The following ABCA1 variants were observed in gnomAD, a reference collection of about 807,000 sequenced individuals.
ABCA1 encodes phospholipid-transporting ATPase ABCA1.
In ABCA1, 133 loss-of-function variants were observed where a neutral mutation model predicts 262.5. The ratio of observed to expected loss-of-function variants is 0.51; its 90% CI spans 0.44 to 0.59. The LOEUF (loss-of-function observed/expected upper bound fraction) is 0.59, where lower values mean the gene tolerates loss of function less well. Ranked by LOEUF, ABCA1 falls within the 20% of genes least tolerant of loss-of-function variation. The pLI, the probability that ABCA1 is intolerant of heterozygous loss-of-function variation, is 0.00. For missense variants in ABCA1, 2,452 were observed against 2,777.5 expected (o/e 0.88, Z 2.63); for synonymous variants, 1,022 against 1,043.5 (o/e 0.98, Z 0.40).
intron 7 of ABCA1, among the ~76,000 whole-genome samples, chr9:104,846,706 G>A (rs925019650): frequency 6.6e-6 from 1 of 152,158 alleles, no homozygotes; most frequent in Admixed American, 6.5e-5. Flanking sequence ...AACTTGTCCA[G>A]CTCATTCATC....
chr9:104,845,621 C>G (rs1265419441), intron 7 of ABCA1, 52 bp from the exon 8 acceptor site: 1 of 1,263,500 alleles, frequency 7.9e-7, no homozygotes, highest in Non-Finnish European at 1.2e-6. Context: ...AACCTGAAAT[C>G]TCTATTGGAA....
chr9:104,882,694 C>T (rs1402465557), intron 5 of ABCA1, among the ~76,000 whole-genome samples: 5 of 152,242 alleles, frequency 3.3e-5, no homozygotes, highest in Admixed American at 3.3e-4. Flanking sequence ...AATACTCTGT[C>T]TATAAATCCA....
At chr9:104,790,033 T>C (rs1180738298) in intron 44 of ABCA1, among the ~76,000 whole-genome samples, 2 of 151,328 alleles carry the variant, frequency 1.3e-5, no homozygotes, top group South Asian at 4.2e-4. Context: ...GAGGCGGAGG[T>C]TGCAGTGAGC....
chr9:104,841,047 GC>G (rs1834318132), intron 8 of ABCA1, among the ~76,000 whole-genome samples: 1 of 152,136 alleles, frequency 6.6e-6, no homozygotes, highest in Admixed American at 6.5e-5. Context: ...AAATTGAACA[GC>G]CCTCTTCCGC....
rs73663572 is a variant in ABCA1, at chr9:104,854,478, G to A, written c.720+4044C>T. On this transcript the variant is annotated intron_variant, in intron 7 of 49. Transcript: ENST00000374736. The stretch of plus-strand genomic sequence containing the variant: ...AGCAATAAAAAAAAAAAGTACAATC[G>A]GAAGCAAATCAATCTCTCGGGCCAA... Among the ~76,000 whole-genome samples, 1,291 of 152,146 alleles carry A rather than the reference G, an allele frequency of 8.5e-3. 25 individuals carry two copies. Among genetic ancestry groups the A allele is most frequent in the African/African-American group, 0.029 (1,216 of 41,494 alleles).
At chr9:104,900,069 G>A (rs562481291) in intron 2 of ABCA1, among the ~76,000 whole-genome samples, 10 of 152,286 alleles carry the variant, frequency 6.6e-5, no homozygotes, top group Admixed American at 6.5e-4. Context: ...TCTGCACAAT[G>A]GGGGTACAGG....
At chr9:104,927,879 C>G (rs1050904199) in intron 1 of ABCA1, 56 bp downstream of exon 1, 3 of 152,486 alleles carry the variant, frequency 2.0e-5, no homozygotes, top group Admixed American at 2.0e-4. Flanking sequence ...CCCGAAGCCT[C>G]CTTGGCCTCG....
chr9:104,869,369 T>C lies in ABCA1; in HGVS notation c.422-7569A>G, dbSNP rs192816918. Among the ~76,000 whole-genome samples, 232 of 152,278 alleles carry C rather than the reference T, an allele frequency of 1.5e-3. 2 individuals are homozygous for C. The highest frequency in any genetic ancestry group is 5.4e-3 in the African/African-American group (223 of 41,552). ...TAGGAGCTGTCAACTGAGCAGGGCC[T>C]GGGAGCGGGAGACAAATTCTAACTC... On this transcript the variant is annotated intron_variant, in intron 5 of 49. Coordinates refer to ENST00000374736, the MANE Select transcript of ABCA1 (RefSeq NM_005502.4).
At chr9:104,831,934 C>T in intron 12 of ABCA1, 107 bp from the exon 13 acceptor site, 2 of 1,040,054 alleles carry the variant, frequency 1.9e-6, no homozygotes, top group Non-Finnish European at 3.0e-6. Flanking sequence ...GATTGCTCAT[C>T]CTCTCTCTCT....
In ABCA1 at chr9:104,928,151, A is replaced by G. The variant is rs1192348118; in HGVS notation, c.-309T>C. On this transcript the variant is annotated 5_prime_UTR_variant, in exon 1 of 50. Coordinates refer to ENST00000374736, the MANE Select transcript of ABCA1 (RefSeq NM_005502.4). ...CCGGCCCCACTCACTCTCGCTCGCA[A>G]TTACGGGGTTTTTGCCGGGACTAGT... is the stretch of plus-strand genomic sequence containing the variant. 1.3e-5 allele frequency: 2 copies of G among 152,216 alleles called. No homozygotes were observed. The highest frequency in any genetic ancestry group is 1.9e-4 in the East Asian group (1 of 5,182). The allele number at this position is 152,216 out of a possible 1,614,324, so 9.4% of individuals were successfully genotyped here.
At chr9:104,893,421 C>CAAAAAAAAAAAAAAA (rs34544647) in intron 2 of ABCA1, among the ~76,000 whole-genome samples, 8 of 35,254 alleles carry the variant, frequency 2.3e-4, no homozygotes, top group Non-Finnish European at 3.4e-4. Context: ...GACTTCACCT[C>CAAAAAAAAAAAAAAA]AAAAAAAAAA....
intron 7 of ABCA1, chr9:104,855,247 A>G: frequency 1.3e-6 from 1 of 784,140 alleles, no homozygotes; most frequent in Non-Finnish European, 1.5e-6. Flanking sequence ...CGCTGGCTGG[A>G]ATGCAGTGGA....
At position 104,781,403 on chromosome 9, in the gene ABCA1, A is replaced by T. The variant is rs780222954; in HGVS notation, c.*2912T>A. 5 of 149,768 alleles carry T rather than the reference A, an allele frequency of 3.3e-5. No individual in the cohort carries two copies. The highest frequency in any genetic ancestry group is 7.4e-5 in the Non-Finnish European group (5 of 67,468). 9.3% of individuals were successfully genotyped at this position (149,768 alleles called of 1,614,324 possible). Reference sequence around the variant, plus strand: ...AATATTTCTACAGTATTACATTATTACTAGTAGATAATAACAAGGGTACAA... The same window carrying T: ...AATATTTCTACAGTATTACATTATTTCTAGTAGATAATAACAAGGGTACAA... On this transcript the variant is annotated 3_prime_UTR_variant, in exon 50 of 50. Coordinates refer to ENST00000374736, the MANE Select transcript of ABCA1 (RefSeq NM_005502.4).
chr9:104,789,118 C>T (rs368805457), intron 44 of ABCA1, among the ~76,000 whole-genome samples: 3 of 152,196 alleles, frequency 2.0e-5, no homozygotes, highest in Admixed American at 6.5e-5. Context: ...TCAGCCACAG[C>T]GGCATTGCCA....
intron 33 of ABCA1, among the ~76,000 whole-genome samples, chr9:104,802,849 A>G (rs768009970): frequency 6.6e-6 from 1 of 152,086 alleles, no homozygotes; most frequent in Non-Finnish European, 1.5e-5. Context: ...TTCCTCTAAG[A>G]CCTTTTTAGT....
In ABCA1 at chr9:104,786,163, C is replaced by T. The variant is rs568208920; in HGVS notation, c.6401+135G>A. 71 of 765,538 alleles carry T rather than the reference C, an allele frequency of 9.3e-5. 1 individual carries two copies. The African/African-American group carries it at 9.9e-4, about 11-fold the overall frequency. The allele number at this position is 765,538 out of a possible 1,614,324, so 47.4% of individuals were successfully genotyped here. A position where few individuals can be genotyped will look rare whatever the true frequency, so the allele number is the denominator to read the frequency against. Reference sequence around the variant, plus strand: ...TTTGAATGCAGTTCGGACTTCAAAGCCCTCATTCTTTCCACTATACTGTTT... The same window carrying T: ...TTTGAATGCAGTTCGGACTTCAAAGTCCTCATTCTTTCCACTATACTGTTT... On this transcript the variant is annotated intron_variant, in intron 48 of 49. Coordinates refer to ENST00000374736, the MANE Select transcript of ABCA1 (RefSeq NM_005502.4).
At chr9:104,909,324 G>A (rs1167965946) in intron 1 of ABCA1, among the ~76,000 whole-genome samples, 3 of 152,158 alleles carry the variant, frequency 2.0e-5, no homozygotes, top group Non-Finnish European at 2.9e-5. Flanking sequence ...TACCAGGGAT[G>A]GGAAACAGAC....
rs761127243 is a variant in ABCA1 at position 104,831,700 on chromosome 9, A to ATGC, written c.1634_1636dup (p.Ser545dup). The ATGC allele has an allele frequency of 1.9e-6, 3 of 1,613,926 alleles. No individual in the cohort carries two copies. The African/African-American group carries it at 4.0e-5, about 22-fold the overall frequency. On this transcript the variant is annotated inframe_insertion, in exon 13 of 50. Coordinates refer to ENST00000374736, the MANE Select transcript of ABCA1 (RefSeq NM_005502.4). ...GTACTTGACATGATGGGGCAGCTCA[A>ATGC]TGCTGCCTGGAGTAATTCCAGTGAA...
intron 4 of ABCA1, among the ~76,000 whole-genome samples, chr9:104,884,138 T>A (rs559019873): frequency 6.6e-6 from 1 of 152,298 alleles, no homozygotes; most frequent in Non-Finnish European, 1.5e-5. Context: ...CAGATGCACG[T>A]CTGCTGCATG....
Sources: gnomAD v4.1 joint callset for allele counts (sites outside exome capture counted in the v4.1 genomes callset) on GRCh38, gnomAD v4.1.1 for gene constraint, MANE v1.5 for transcripts, NCBI Gene and HGNC (gene_info 2026-07-23, HGNC 2026-07-21) for gene names.